Variants in C12orf42 observed in about 807,000 individuals in gnomAD.
The protein encoded by C12orf42 is uncharacterized protein C12orf42.
A neutral mutation model predicts 21.6 loss-of-function variants in C12orf42; 25 were observed. The ratio of observed to expected loss-of-function variants is 1.16; its 90% CI spans 0.84 to 1.62. The LOEUF (loss-of-function observed/expected upper bound fraction) is 1.62, where lower values mean the gene tolerates loss of function less well. Ranked by LOEUF, C12orf42 falls within the 40% of genes most tolerant of loss-of-function variation. The pLI, the probability that C12orf42 is intolerant of heterozygous loss-of-function variation, is 0.00. For missense variants in C12orf42, 483 were observed against 459.3 expected, an observed-to-expected ratio of 1.05 and a Z score of -0.47; for synonymous variants, 174 against 175.0, an observed-to-expected ratio of 0.99 and a Z score of 0.05.
At chr12:103,515,731 C>T in the C12orf42 span, among the ~76,000 whole-genome samples, 1 of 152,044 alleles carries the variant, frequency 6.6e-6, no homozygotes, top group Non-Finnish European at 1.5e-5. Flanking sequence ...TGCAAGACTG[C>T]ATTAAATAAA....
At chr12:103,087,908 A>G in the C12orf42 span, among the ~76,000 whole-genome samples, 1 of 152,226 alleles carries the variant, frequency 6.6e-6, no homozygotes, top group Non-Finnish European at 1.5e-5. Context: ...ATAAACTAGA[A>G]CCCATTATTA....
At chr12:103,368,595 G>A (rs1292060268) in intron 4 of C12orf42, among the ~76,000 whole-genome samples, 1 of 151,966 alleles carries the variant, frequency 6.6e-6, no homozygotes, top group Non-Finnish European at 1.5e-5. Context: ...TAGCTGCCAG[G>A]GCATGTTATT....
At chr12:103,065,168 G>A in the C12orf42 span, among the ~76,000 whole-genome samples, 1 of 152,216 alleles carries the variant, frequency 6.6e-6, no homozygotes, top group Non-Finnish European at 1.5e-5. Flanking sequence ...AGACACAGAG[G>A]TGGCGATTCC....
chr12:103,362,554 G>C (rs1438799512), intron 4 of C12orf42, among the ~76,000 whole-genome samples: 1 of 151,730 alleles, frequency 6.6e-6, no homozygotes, highest in East Asian at 1.9e-4. Context: ...GTCAATTAAG[G>C]AGCACCAGAA....
the C12orf42 span, among the ~76,000 whole-genome samples, chr12:103,553,762 T>C: frequency 2.0e-5 from 3 of 152,158 alleles, no homozygotes; most frequent in Non-Finnish European, 4.4e-5. Flanking sequence ...ATGGTTCCTA[T>C]GATCAGTGAA....
the C12orf42 span, among the ~76,000 whole-genome samples, chr12:103,511,481 A>C: frequency 1.3e-5 from 2 of 152,078 alleles, no homozygotes; most frequent in Non-Finnish European, 2.9e-5. Flanking sequence ...GGTATAAAAA[A>C]TGTTCTTGTA....
chr12:103,195,224 C>A, the C12orf42 span, among the ~76,000 whole-genome samples: 2 of 152,026 alleles, frequency 1.3e-5, no homozygotes, highest in Non-Finnish European at 2.9e-5. Context: ...GATTTCATGT[C>A]TTGCTTTGTG....
the C12orf42 span, among the ~76,000 whole-genome samples, chr12:103,091,673 G>A: frequency 6.6e-6 from 1 of 152,166 alleles, no homozygotes; most frequent in East Asian, 1.9e-4. Context: ...TGTTATTTAT[G>A]CATCAGTTAC....
At chr12:103,509,196 C>G in the C12orf42 span, among the ~76,000 whole-genome samples, 39 of 152,284 alleles carry the variant, frequency 2.6e-4, no homozygotes, top group African/African-American at 8.9e-4. Flanking sequence ...CCTCATACCC[C>G]TACTCATTTG....
At chr12:103,233,833 G>A (rs558704937), downstream of C12orf42, among the ~76,000 whole-genome samples, 1 of 152,162 alleles carries the variant, frequency 6.6e-6, no homozygotes, top group South Asian at 2.1e-4. Context: ...TATTGCATTA[G>A]CTAGAACTTT....
intron 4 of C12orf42, among the ~76,000 whole-genome samples, chr12:103,293,850 CT>C (rs2136382997): frequency 6.6e-6 from 1 of 152,222 alleles, no homozygotes; most frequent in South Asian, 2.1e-4. Flanking sequence ...GAAAAATTAA[CT>C]TTTAATTTTC....
chr12:103,551,044 A>C, the C12orf42 span, among the ~76,000 whole-genome samples: 3 of 152,206 alleles, frequency 2.0e-5, no homozygotes, highest in Non-Finnish European at 4.4e-5. Context: ...TTTTATATTT[A>C]AAATAGAATA....
At chr12:103,176,960 G>A in the C12orf42 span, among the ~76,000 whole-genome samples, 6 of 151,794 alleles carry the variant, frequency 4.0e-5, no homozygotes, top group African/African-American at 1.5e-4. Flanking sequence ...TTTGAAGCCA[G>A]CCATAAAAAA....
At chr12:103,470,500 A>G (rs1953509737) in intron 2 of C12orf42, among the ~76,000 whole-genome samples, 1 of 152,180 alleles carries the variant, frequency 6.6e-6, no homozygotes, top group South Asian at 2.1e-4. Context: ...GCTTGTTACC[A>G]CGCCTTTAAA....
At chr12:103,095,052 T>C in the C12orf42 span, among the ~76,000 whole-genome samples, 2 of 152,322 alleles carry the variant, frequency 1.3e-5, no homozygotes, top group East Asian at 1.9e-4. Flanking sequence ...CCAGAATCAA[T>C]TGGAAAATCC....
At chr12:103,307,017 G>A (rs1372639155) in intron 4 of C12orf42, among the ~76,000 whole-genome samples, 1 of 152,170 alleles carries the variant, frequency 6.6e-6, no homozygotes, top group Non-Finnish European at 1.5e-5. Flanking sequence ...GAAGCCACAA[G>A]GAAGATCCTA....
chr12:103,520,461 A>G, the C12orf42 span, among the ~76,000 whole-genome samples: 42,246 of 152,024 alleles, frequency 0.28, 7,161 homozygotes, highest in East Asian at 0.51. Flanking sequence ...GTCCCAAGTC[A>G]GAGGATGGCT....
Position 103,306,121 on chromosome 12 carries a change from A to G in C12orf42, c.484T>C (p.Trp162Arg), listed in dbSNP as rs776558001. The G allele has an allele frequency of 1.2e-6, 2 of 1,613,962 alleles. No homozygotes were observed. Among genetic ancestry groups the G allele is most frequent in the Non-Finnish European group, 1.7e-6 (2 of 1,179,870 alleles). Residue 162 changes from tryptophan to arginine, a missense_variant, in exon 5 of 6, where the codon TGG becomes CGG. By Grantham distance (101) the Trp-to-Arg change is moderately radical. Coordinates refer to ENST00000548883, the MANE Select transcript of C12orf42 (RefSeq NM_198521.5). ...AGTTGTTCCAAAAATGAACTGTTCC[A>G]AGCCTGCTTGGGTGCTCCTCTGGCT... ...ERARGAPKQAWNSSFLEQLVK... is the reference protein window; with the variant it reads ...ERARGAPKQARNSSFLEQLVK...
At chr12:103,529,129 C>T in the C12orf42 span, among the ~76,000 whole-genome samples, 1 of 152,162 alleles carries the variant, frequency 6.6e-6, no homozygotes, top group East Asian at 1.9e-4. Flanking sequence ...CCTCCAGGTG[C>T]CTGAGCATGA....
Sources: gnomAD v4.1 joint callset for allele counts (sites outside exome capture counted in the v4.1 genomes callset) on GRCh38, gnomAD v4.1.1 for gene constraint, MANE v1.5 for transcripts, NCBI Gene and HGNC (gene_info 2026-07-23, HGNC 2026-07-21) for gene names.